The following GRIN2B variants were observed in gnomAD, a reference collection of about 807,000 sequenced individuals.
GRIN2B encodes the protein glutamate ionotropic receptor NMDA type subunit 2B, also known as glutamate receptor ionotropic, NMDA 2B.
Under a neutral mutation model 114.5 loss-of-function variants are expected in GRIN2B, and 5 were observed. The ratio of observed to expected loss-of-function variants is 0.04; its 90% CI spans 0.02 to 0.09. The LOEUF (loss-of-function observed/expected upper bound fraction) is 0.09. Ranked by LOEUF, GRIN2B falls within the 10% of genes least tolerant of loss-of-function variation. The probability of loss-of-function intolerance (pLI) is 1.00; values close to 1 mark genes in which losing one functional copy is unlikely to be tolerated. For missense variants in GRIN2B, 1,108 were observed against 1,943.5 expected (o/e 0.57, Z 8.08); for synonymous variants, 787 against 745.1 (o/e 1.06, Z -0.92).
intron 10 of GRIN2B, among the ~76,000 whole-genome samples, chr12:13,575,181 A>G (rs888280916): frequency 1.9e-4 from 29 of 152,334 alleles, no homozygotes; most frequent in African/African-American, 6.7e-4. Flanking sequence ...CAATCCACCA[A>G]AAAAGGTAAA....
chr12:13,966,815 A>G lies in GRIN2B; in HGVS notation c.-19+13113T>C, dbSNP rs75336644. ...CTCACCTGATTCTCACAGTAACTCT[A>G]AAAACCCAGAATTATTAATACTCCA... On this transcript the variant is annotated intron_variant, in intron 2 of 13. Transcript: ENST00000609686. 4.1e-3 allele frequency among the ~76,000 whole-genome samples: 625 copies of G among 152,340 alleles called. 4 individuals carry two copies. Among genetic ancestry groups the G allele is most frequent in the African/African-American group, 0.014 (594 of 41,574 alleles).
At chr12:13,920,089 C>T (rs930437474) in intron 2 of GRIN2B, among the ~76,000 whole-genome samples, 2 of 151,888 alleles carry the variant, frequency 1.3e-5, no homozygotes, top group East Asian at 1.9e-4. Context: ...ACTAAGAGCC[C>T]GCCTCCTCAC....
chr12:13,658,748 G>T (rs1949892022), intron 5 of GRIN2B, among the ~76,000 whole-genome samples: 1 of 151,908 alleles, frequency 6.6e-6, no homozygotes, highest in Non-Finnish European at 1.5e-5. Flanking sequence ...TTCTGTGATT[G>T]CCTGGCATGG....
rs1948995846 is a variant in GRIN2B at position 13,590,614 on chromosome 12, T to TGTAA, written c.2010+17985_2010+17988dup. Among the ~76,000 whole-genome samples, 4 of 152,332 alleles carry TGTAA rather than the reference T, an allele frequency of 2.6e-5. 1 individual carries two copies. In the South Asian group the frequency reaches 8.3e-4, roughly 32 times the overall value. ...TATGGCTGCATAGTATTCCATGGTG[T>TGTAA]GTAAGTGCCACATTTTCTTTATCCA... On this transcript the variant is annotated intron_variant, in intron 10 of 13. Coordinates refer to ENST00000609686, the MANE Select transcript of GRIN2B (RefSeq NM_000834.5).
chr12:13,802,429 T>A (rs1182838559), intron 3 of GRIN2B, among the ~76,000 whole-genome samples: 1 of 152,240 alleles, frequency 6.6e-6, no homozygotes, highest in East Asian at 1.9e-4. Flanking sequence ...CCACAAGATG[T>A]TGGTACTATT....
At chr12:13,830,013 T>C (rs1185697419) in intron 3 of GRIN2B, among the ~76,000 whole-genome samples, 2 of 152,146 alleles carry the variant, frequency 1.3e-5, no homozygotes, top group Non-Finnish European at 2.9e-5. Flanking sequence ...GCAGTTCTAA[T>C]CCACTCTTTA....
intron 5 of GRIN2B, among the ~76,000 whole-genome samples, chr12:13,654,366 CAG>C (rs1476512444): frequency 1.1e-4 from 16 of 152,104 alleles, no homozygotes; most frequent in Admixed American, 5.2e-4. Context: ...TGGCAGGAAA[CAG>C]AAGAATGAAA....
chr12:13,963,895 A>G (rs1055385872), intron 2 of GRIN2B, among the ~76,000 whole-genome samples: 2 of 152,184 alleles, frequency 1.3e-5, no homozygotes, highest in Non-Finnish European at 2.9e-5. Context: ...CCAGGACAAA[A>G]TAGAGACAAA....
intron 4 of GRIN2B, among the ~76,000 whole-genome samples, chr12:13,725,258 T>A (rs912004307): frequency 1.3e-5 from 2 of 151,918 alleles, no homozygotes; most frequent in African/African-American, 4.8e-5. Context: ...CCAGATTGTG[T>A]CATTTTGAAT....
At chr12:13,571,724 C>T (rs1323593232) in intron 11 of GRIN2B, 80 bp downstream of exon 11, 2 of 1,351,140 alleles carry the variant, frequency 1.5e-6, no homozygotes, top group East Asian at 2.3e-5. Context: ...GCATGGTATA[C>T]CTAGTGCATG....
At chr12:13,842,374 C>G (rs1865393360) in intron 3 of GRIN2B, among the ~76,000 whole-genome samples, 1 of 152,134 alleles carries the variant, frequency 6.6e-6, no homozygotes, top group Admixed American at 6.6e-5. Context: ...TTAAAATGTC[C>G]AAGGTATACC....
At chr12:13,743,965 G>A (rs1863328568) in intron 4 of GRIN2B, among the ~76,000 whole-genome samples, 1 of 152,074 alleles carries the variant, frequency 6.6e-6, no homozygotes. Context: ...ATTGTCACAG[G>A]GTGGTTTCCA....
chr12:13,582,251 T>A (rs1302419920), intron 10 of GRIN2B, among the ~76,000 whole-genome samples: 4 of 152,186 alleles, frequency 2.6e-5, no homozygotes, highest in Non-Finnish European at 5.9e-5. Context: ...AATAAATAAT[T>A]ATTGTTATAT....
At chr12:13,860,819 A>G (rs1182200558) in intron 3 of GRIN2B, among the ~76,000 whole-genome samples, 1 of 152,054 alleles carries the variant, frequency 6.6e-6, no homozygotes, top group East Asian at 1.9e-4. Flanking sequence ...CCATTCTTGG[A>G]GCATTAAAGT....
chr12:13,836,806 G>A (rs978353651), intron 3 of GRIN2B, among the ~76,000 whole-genome samples: 8 of 151,716 alleles, frequency 5.3e-5, no homozygotes, highest in South Asian at 2.1e-4. Flanking sequence ...AGCTGAGAAG[G>A]AGAAGCAAAT....
In GRIN2B at chr12:13,793,653, A is replaced by C. The variant is rs74067310; in HGVS notation, c.412-39738T>G. The stretch of plus-strand genomic sequence containing the variant: ...CATCAGTTCCCAAGGGGCTCTAGTA[A>C]CCTATCCTTAGCACTTTTCCCACTG... On this transcript the variant is annotated intron_variant, in intron 3 of 13. Coordinates refer to ENST00000609686, the MANE Select transcript of GRIN2B (RefSeq NM_000834.5). Among the ~76,000 whole-genome samples the C allele has an allele frequency of 2.7e-3, 409 of 152,146 alleles. 4 individuals are homozygous for C. The highest frequency in any genetic ancestry group is 9.5e-3 in the African/African-American group (393 of 41,530).
At chr12:13,757,274 G>A (rs1863592580) in intron 3 of GRIN2B, among the ~76,000 whole-genome samples, 1 of 152,154 alleles carries the variant, frequency 6.6e-6, no homozygotes, top group African/African-American at 2.4e-5. Flanking sequence ...TCATTTAGTT[G>A]ACACATCAAT....
At chr12:13,572,141 C>T (rs1205420930) in intron 10 of GRIN2B, among the ~76,000 whole-genome samples, 177 bp from the exon 11 acceptor site, 2 of 152,204 alleles carry the variant, frequency 1.3e-5, no homozygotes, top group East Asian at 3.8e-4. Context: ...GCAGCAATTG[C>T]TATCTGAAAG....
intron 3 of GRIN2B, among the ~76,000 whole-genome samples, chr12:13,801,612 T>C (rs1343550606): frequency 6.6e-6 from 1 of 152,110 alleles, no homozygotes; most frequent in Non-Finnish European, 1.5e-5. Context: ...GACCCTTGAT[T>C]GATACTCCAA....
Sources: gnomAD v4.1 joint callset for allele counts (sites outside exome capture counted in the v4.1 genomes callset) on GRCh38, gnomAD v4.1.1 for gene constraint, MANE v1.5 for transcripts, NCBI Gene and HGNC (gene_info 2026-07-23, HGNC 2026-07-21) for gene names.